Variants in FRAS1 observed in about 807,000 individuals in gnomAD.
FRAS1 encodes extracellular matrix organizing protein FRAS1.
In FRAS1, 290 loss-of-function variants were observed where a neutral mutation model predicts 435.2. The ratio of observed to expected loss-of-function variants is 0.67; its 90% CI spans 0.61 to 0.73. The LOEUF (loss-of-function observed/expected upper bound fraction) is 0.73, where lower values mean the gene tolerates loss of function less well. Ranked by LOEUF, FRAS1 falls within the 30% of genes least tolerant of loss-of-function variation. The pLI is 0.00. For missense variants in FRAS1, 4,860 were observed against 5,001.5 expected (o/e 0.97, Z 0.85); for synonymous variants, 1,800 against 1,851.0 (o/e 0.97, Z 0.71).
intron 61 of FRAS1, among the ~76,000 whole-genome samples, chr4:78,502,193 C>T (rs1176718931): frequency 2.6e-5 from 4 of 152,186 alleles, no homozygotes; most frequent in African/African-American, 4.8e-5. Context: ...ACTGTCTTGG[C>T]AATGAGGGCT....
rs1720308607 is a variant in FRAS1 at position 78,490,249 on chromosome 4, A to G, written c.8958+1169A>G. Among the ~76,000 whole-genome samples the G allele has an allele frequency of 1.3e-5, 2 of 152,178 alleles. 1 individual carries two copies. The highest frequency in any genetic ancestry group is 4.8e-5 in the African/African-American group (2 of 41,440). On this transcript the variant is annotated intron_variant, in intron 59 of 73. Coordinates refer to ENST00000512123, the MANE Select transcript of FRAS1 (RefSeq NM_025074.7). The stretch of plus-strand genomic sequence containing the variant: ...ACTGTCAATATTAGACAGATCAATG[A>G]GACAGAAAATTAACAAGGTTATTTG...
At chr4:78,305,076 G>GGTTTCAAAGAACATCTTTA (rs1728639321) in intron 14 of FRAS1, among the ~76,000 whole-genome samples, 1 of 152,036 alleles carries the variant, frequency 6.6e-6, no homozygotes, top group African/African-American at 2.4e-5. Context: ...TGTTCTCATT[G>GGTTTCAAAGAACATCTTTA]GTTTCAAAGA....
chr4:78,470,213 G>T (rs1719660960), intron 51 of FRAS1, 122 bp downstream of exon 51: 2 of 640,152 alleles, frequency 3.1e-6, no homozygotes, highest in Admixed American at 3.0e-5. Context: ...TAAATAAACT[G>T]ATTTTCCTGA....
intron 2 of FRAS1, among the ~76,000 whole-genome samples, chr4:78,086,071 C>T (rs1433666421): frequency 6.6e-6 from 1 of 152,168 alleles, no homozygotes. Context: ...TGATAACAAA[C>T]TGTCTCTCAG....
rs560987596 is a variant in FRAS1 at position 78,418,842 on chromosome 4, T to A, written c.4426-107T>A. 1.4e-5 allele frequency: 9 copies of A among 623,382 alleles called. No homozygotes were observed. The South Asian group carries it at 2.0e-4, about 14-fold the overall frequency. 38.6% of individuals were successfully genotyped at this position (623,382 alleles called of 1,614,324 possible). A position where few individuals can be genotyped will look rare whatever the true frequency, so the allele number is the denominator to read the frequency against. The stretch of plus-strand genomic sequence containing the variant: ...TCTCGAAAATTTGACTAAGTGTGAC[T>A]AATTTAAAAGCCCAGAGCAATTTTT... On this transcript the variant is annotated intron_variant, in intron 32 of 73. Coordinates refer to ENST00000512123, the MANE Select transcript of FRAS1 (RefSeq NM_025074.7).
chr4:78,155,189 T>G (rs557960247), intron 2 of FRAS1, among the ~76,000 whole-genome samples: 21 of 152,304 alleles, frequency 1.4e-4, no homozygotes, highest in South Asian at 6.2e-4. Context: ...TCCAGTGGGT[T>G]TTCGGTCATG....
intron 2 of FRAS1, among the ~76,000 whole-genome samples, chr4:78,220,225 C>T (rs1331016668): frequency 6.6e-6 from 1 of 152,216 alleles, no homozygotes; most frequent in Non-Finnish European, 1.5e-5. Flanking sequence ...ATTAGACGTT[C>T]ATGGACTATA....
chr4:78,250,519 T>A (rs1448449677), intron 4 of FRAS1, among the ~76,000 whole-genome samples: 2 of 152,202 alleles, frequency 1.3e-5, no homozygotes, highest in Non-Finnish European at 2.9e-5. Context: ...CATTAATCAT[T>A]TTCTTCAGAT....
intron 28 of FRAS1, among the ~76,000 whole-genome samples, chr4:78,384,649 T>G (rs893036624): frequency 2.6e-5 from 4 of 151,958 alleles, no homozygotes; most frequent in Non-Finnish European, 5.9e-5. Context: ...ATCTCAGCAC[T>G]TTGGGAGGCT....
rs756276943 is a variant in FRAS1, at chr4:78,363,523, C to T, written c.2433C>T (p.His811=). ...CCCTTCCCCCTCCAGACTGCCATCACCTGTGCCAGCACTGTGCAGCTGATC... is the reference window on the plus strand; with the variant it reads ...CCCTTCCCCCTCCAGACTGCCATCATCTGTGCCAGCACTGTGCAGCTGATC... ...NLVGYCADCH[H]LCQHCAADLH... is the part of the protein sequence containing the mutation. The change falls in exon 21 of 74, where the codon CAC becomes CAT. Residue 811 remains histidine, a synonymous_variant. Transcript: ENST00000512123. The T allele has an allele frequency of 6.6e-5, 106 of 1,611,352 alleles. No homozygotes were observed. The South Asian group carries it at 8.3e-4, about 13-fold the overall frequency.
chr4:78,262,918 C>G (rs55941306), intron 6 of FRAS1, among the ~76,000 whole-genome samples: 142,776 of 151,964 alleles, frequency 0.94, 67,582 homozygotes, highest in Non-Finnish European at 1. Flanking sequence ...ACAACTTACT[C>G]AATTATACCA....
intron 66 of FRAS1, among the ~76,000 whole-genome samples, chr4:78,517,213 T>C (rs1180653634): frequency 6.6e-6 from 1 of 152,236 alleles, no homozygotes; most frequent in African/African-American, 2.4e-5. Flanking sequence ...GTGGTGCCTC[T>C]CAGCCTGGTT....
intron 20 of FRAS1, among the ~76,000 whole-genome samples, chr4:78,354,881 A>T (rs918765423): frequency 5.3e-5 from 8 of 152,230 alleles, no homozygotes; most frequent in African/African-American, 1.9e-4. Context: ...TGATCCAAAG[A>T]TGTGAAATAA....
intron 2 of FRAS1, among the ~76,000 whole-genome samples, chr4:78,112,677 A>G (rs563955854): frequency 1.6e-4 from 24 of 152,232 alleles, no homozygotes; most frequent in African/African-American, 5.8e-4. Context: ...TGAAATGGCC[A>G]AACCAAAACA....
chr4:78,508,906 A>G lies in FRAS1; in HGVS notation c.9680A>G (p.Gln3227Arg). The change falls in exon 63 of 74, where the codon CAG becomes CGG. Residue 3227 changes from glutamine to arginine, a missense_variant. Physicochemically the swap from Gln to Arg is conservative, Grantham distance 43. Coordinates refer to ENST00000512123, the MANE Select transcript of FRAS1 (RefSeq NM_025074.7). ...SEAGINQTSV[Q>R]FSWEVAAPTD... ...GCCGGCATCAACCAGACATCTGTGC[A>G]GTTCAGCTGGGAAGTGGCTGCCCCC... 1.2e-6 allele frequency: 2 copies of G among 1,613,968 alleles called. No individual in the cohort carries two copies. The highest frequency in any genetic ancestry group is 1.7e-6 in the Non-Finnish European group (2 of 1,179,890).
At chr4:78,337,901 C>T in intron 20 of FRAS1, 84 bp downstream of exon 20, 1 of 1,394,132 alleles carries the variant, frequency 7.2e-7, no homozygotes, top group Non-Finnish European at 1.0e-6. Flanking sequence ...GGCTCTTTGT[C>T]CTCAGTTTAT....
intron 9 of FRAS1, among the ~76,000 whole-genome samples, chr4:78,269,981 A>T: frequency 6.6e-6 from 1 of 152,180 alleles, no homozygotes; most frequent in South Asian, 2.1e-4. Context: ...GCCCAGTCTT[A>T]GTCGTTGGTC....
At chr4:78,229,188 C>T (rs1450736528) in intron 2 of FRAS1, among the ~76,000 whole-genome samples, 1 of 152,056 alleles carries the variant, frequency 6.6e-6, no homozygotes, top group Admixed American at 6.6e-5. Context: ...CCTCTCTGAA[C>T]TTTGGTTTCC....
chr4:78,129,187 G>A (rs556895607), intron 2 of FRAS1, among the ~76,000 whole-genome samples: 7 of 152,308 alleles, frequency 4.6e-5, no homozygotes, highest in South Asian at 4.1e-4. Flanking sequence ...GTCAGGTAGC[G>A]TGATGCCTCC....
Sources: allele counts gnomAD v4.1 joint callset (sites outside exome capture counted in the v4.1 genomes callset), GRCh38; gene constraint gnomAD v4.1.1; transcripts MANE v1.5; gene names NCBI Gene and HGNC (gene_info 2026-07-23, HGNC 2026-07-21).